Variants in CNOT2 observed in about 807,000 individuals in gnomAD.
CNOT2 encodes CCR4-NOT transcription complex subunit 2, also known as CC chemokine receptor 4-negative regulator of transcription 2.
CNOT2 carries 7 observed loss-of-function variants against 72.1 expected under a neutral mutation model. The ratio of observed to expected loss-of-function variants is 0.10; its 90% CI spans 0.06 to 0.18. CNOT2 has a LOEUF of 0.18. Ranked by LOEUF, CNOT2 falls within the 10% of genes least tolerant of loss-of-function variation. The pLI, the probability that CNOT2 is intolerant of heterozygous loss-of-function variation, is 1.00. For synonymous variants in CNOT2, 196 were observed against 225.6 expected (o/e 0.87, Z 1.17); for missense variants, 345 against 660.3 (o/e 0.52, Z 5.23).
At chr12:70,340,847 C>T (rs1230222315) in intron 11 of CNOT2, among the ~76,000 whole-genome samples, 2 of 151,642 alleles carry the variant, frequency 1.3e-5, no homozygotes, top group Admixed American at 1.3e-4. Flanking sequence ...GCTCAACACC[C>T]AGTAAATGTT....
At chr12:70,262,034 C>A (rs1449350247) in intron 1 of CNOT2, among the ~76,000 whole-genome samples, 1 of 152,020 alleles carries the variant, frequency 6.6e-6, no homozygotes, top group Non-Finnish European at 1.5e-5. Flanking sequence ...GTTATGCCTA[C>A]CCTACAAAGT....
chr12:70,301,631 T>G (rs1166549256), intron 2 of CNOT2: 1 of 152,278 alleles, frequency 6.6e-6, no homozygotes, highest in African/African-American at 2.4e-5. Context: ...TGCCTGTATT[T>G]TATTGAGGAT....
intron 4 of CNOT2, chr12:70,322,506 A>G (rs1359758103): frequency 6.6e-6 from 1 of 151,758 alleles, no homozygotes; most frequent in Non-Finnish European, 1.5e-5. Context: ...TCATTTACTG[A>G]GTGCTTTCTG....
intron 11 of CNOT2, chr12:70,341,874 T>C: frequency 3.7e-6 from 2 of 541,550 alleles, no homozygotes; most frequent in Non-Finnish European, 6.6e-6. Flanking sequence ...TGATATGTTG[T>C]GTTATTTATA....
intron 2 of CNOT2, among the ~76,000 whole-genome samples, chr12:70,302,896 G>T (rs1309463214): frequency 1.3e-5 from 2 of 152,072 alleles, no homozygotes; most frequent in Admixed American, 1.3e-4. Flanking sequence ...GAATTTGGGT[G>T]CTCCTGTATT....
intron 1 of CNOT2, among the ~76,000 whole-genome samples, chr12:70,247,757 G>T (rs1277585943): frequency 6.6e-6 from 1 of 152,170 alleles, no homozygotes; most frequent in Non-Finnish European, 1.5e-5. Flanking sequence ...TGCCTCTATA[G>T]TGCATAATAC....
rs761316226 is a variant in CNOT2 at position 70,330,413 on chromosome 12, A to G, written c.513A>G (p.Pro171=). ...TAGGTAGCCCCAACAGAAGCTCGCC[A>G]AGCATAATATGTATGCCAAAGCAGC... The part of the protein sequence containing the change: ...SGLGSPNRSS[P]SIICMPKQQP... The change falls in exon 6 of 16, where the codon CCA becomes CCG. Residue 171 remains proline, a synonymous_variant. Coordinates refer to ENST00000229195, the MANE Select transcript of CNOT2 (RefSeq NM_014515.7). The G allele has an allele frequency of 5.6e-6, 9 of 1,612,648 alleles. No homozygotes were observed. The highest frequency in any genetic ancestry group is 7.6e-6 in the Non-Finnish European group (9 of 1,179,078).
At chr12:70,289,067 C>T (rs1007719305) in intron 2 of CNOT2, among the ~76,000 whole-genome samples, 1 of 151,086 alleles carries the variant, frequency 6.6e-6, no homozygotes. Flanking sequence ...ACTTCTCTTC[C>T]TTTTTTCTTT....
At chr12:70,353,515 G>A (rs1883128370) in intron 15 of CNOT2, among the ~76,000 whole-genome samples, 1 of 152,058 alleles carries the variant, frequency 6.6e-6, no homozygotes, top group Non-Finnish European at 1.5e-5. Context: ...CAGTGATTCA[G>A]AGATACAGTA....
chr12:70,284,051 C>G (rs1360943747), intron 2 of CNOT2, among the ~76,000 whole-genome samples: 1 of 149,272 alleles, frequency 6.7e-6, no homozygotes, highest in African/African-American at 2.5e-5. Context: ...AAGCGATTCT[C>G]CTGCCTCAGC....
At chr12:70,262,566 C>T (rs918065733) in intron 1 of CNOT2, among the ~76,000 whole-genome samples, 10 of 152,236 alleles carry the variant, frequency 6.6e-5, no homozygotes, top group Admixed American at 2.6e-4. Flanking sequence ...TGAGCCACGG[C>T]GCCCGGCCTA....
At chr12:70,324,863 C>T (rs1035925950) in intron 4 of CNOT2, among the ~76,000 whole-genome samples, 1 of 151,644 alleles carries the variant, frequency 6.6e-6, no homozygotes, top group African/African-American at 2.4e-5. Context: ...ACATTTATAC[C>T]CACCTGACTC....
At chr12:70,305,203 A>C (rs1445845557) in intron 2 of CNOT2, among the ~76,000 whole-genome samples, 7 of 152,164 alleles carry the variant, frequency 4.6e-5, no homozygotes, top group Non-Finnish European at 1.0e-4. Flanking sequence ...GGCACTGCCC[A>C]GTGAGATGAA....
At chr12:70,343,381 A>G (rs1384712698) in intron 13 of CNOT2, among the ~76,000 whole-genome samples, 1 of 152,204 alleles carries the variant, frequency 6.6e-6, no homozygotes, top group Admixed American at 6.5e-5. Context: ...TTTAAATGTG[A>G]AAATTTGAGA....
chr12:70,334,128 A>G (rs1410254346), intron 7 of CNOT2, among the ~76,000 whole-genome samples: 2 of 152,066 alleles, frequency 1.3e-5, no homozygotes, highest in Non-Finnish European at 2.9e-5. Flanking sequence ...AATAAATGGC[A>G]AATTTAAATT....
At chr12:70,315,077 C>T (rs989799760) in intron 3 of CNOT2, among the ~76,000 whole-genome samples, 3 of 151,894 alleles carry the variant, frequency 2.0e-5, no homozygotes, top group Admixed American at 1.3e-4. Context: ...TTGGTCAGGC[C>T]GGTCACGAAC....
At chr12:70,353,698 C>A in intron 15 of CNOT2, 131 bp from the exon 16 acceptor site, 1 of 1,408,696 alleles carries the variant, frequency 7.1e-7, no homozygotes, top group Non-Finnish European at 9.5e-7. Context: ...AGAGGAAAAA[C>A]AGTTGGTATA....
At chr12:70,337,780 G>C in intron 9 of CNOT2, 1 of 502,552 alleles carries the variant, frequency 2.0e-6, no homozygotes, top group Non-Finnish European at 3.9e-6. Context: ...ATCCCATGAA[G>C]TTTGATAATA....
rs905953047 is a variant in CNOT2 at position 70,354,827 on chromosome 12, C to T, written c.*912C>T. The T allele has an allele frequency of 1.3e-5, 2 of 152,512 alleles. No individual in the cohort carries two copies. Among genetic ancestry groups the T allele is most frequent in the African/African-American group, 4.8e-5 (2 of 41,398 alleles). 9.4% of individuals were successfully genotyped at this position (152,512 alleles called of 1,614,324 possible). On this transcript the variant is annotated 3_prime_UTR_variant, in exon 16 of 16. Transcript: ENST00000229195. ...CCAGATTTTCAGCAGCCAAGGACATCCATACCCAAGTGAATGTGATGGGAC... is the reference window on the plus strand; with the variant it reads ...CCAGATTTTCAGCAGCCAAGGACATTCATACCCAAGTGAATGTGATGGGAC...
Sources: gnomAD v4.1 joint callset for allele counts (sites outside exome capture counted in the v4.1 genomes callset) on GRCh38, gnomAD v4.1.1 for gene constraint, MANE v1.5 for transcripts, NCBI Gene and HGNC (gene_info 2026-07-23, HGNC 2026-07-21) for gene names.